BIRC6: variants seen among roughly 807,000 people sequenced by gnomAD.
BIRC6 encodes baculoviral IAP repeat containing 6, also known as dual E2 ubiquitin-conjugating enzyme/E3 ubiquitin-protein ligase BIRC6.
BIRC6 carries 98 observed loss-of-function variants against 503.3 expected under a neutral mutation model. That is an observed-to-expected ratio of 0.19 (90% CI 0.17 to 0.23). The LOEUF (loss-of-function observed/expected upper bound fraction) is 0.23. BIRC6 is among the 10% of genes least tolerant of loss of function. The pLI, the probability that BIRC6 is intolerant of heterozygous loss-of-function variation, is 1.00. For synonymous variants in BIRC6, 2,240 were observed against 2,078.7 expected (o/e 1.08, Z -2.11); for missense variants, 5,360 against 5,806.0 (o/e 0.92, Z 2.50).
intron 6 of BIRC6, among the ~76,000 whole-genome samples, chr2:32,397,603 T>TGTGTGTGTGTGTAC (rs2040061341): frequency 7.0e-6 from 1 of 143,310 alleles, no homozygotes; most frequent in Non-Finnish European, 1.5e-5. Context: ...TGTGTGTGTG[T>TGTGTGTGTGTGTAC]GTATATATGT....
chr2:32,508,253 A>G lies in BIRC6; in HGVS notation c.9974A>G (p.Lys3325Arg). Residue 3325 changes from lysine (K) to arginine (R), a missense_variant, in exon 51 of 74, where the codon AAA becomes AGA. Physicochemically the swap from Lys to Arg is conservative, Grantham distance 26 (BLOSUM62 2). Around this residue, in one of 16 missense-constraint regions of BIRC6, gnomAD observed 62 missense variants for 107.4 expected, o/e 0.58. Coordinates refer to ENST00000421745, the MANE Select transcript of BIRC6 (RefSeq NM_016252.4). The part of the protein sequence containing the change: ...PFLPSEDQVS[K>R]TSIGWLRLLH... ...CTTCCATCTGAAGATCAGGTATCCAAAACAAGGTATGTTTTGTTTGTCCTT... is the reference window on the plus strand; with the variant it reads ...CTTCCATCTGAAGATCAGGTATCCAGAACAAGGTATGTTTTGTTTGTCCTT... 2 of 1,562,514 alleles carry G rather than the reference A, an allele frequency of 1.3e-6. No homozygotes were observed. The highest frequency in any genetic ancestry group is 1.7e-6 in the Non-Finnish European group (2 of 1,159,984).
intron 23 of BIRC6, among the ~76,000 whole-genome samples, chr2:32,460,331 T>C (rs546148448): frequency 7.9e-6 from 1 of 127,138 alleles, no homozygotes; most frequent in Non-Finnish European, 1.6e-5. Context: ...CAGGCTGGAG[T>C]GATGGCACAA....
rs1475686204 is a variant in BIRC6 at position 32,505,026 on chromosome 2, C to T, written c.9521C>T (p.Pro3174Leu). Residue 3174 changes from proline to leucine, a missense_variant, in exon 50 of 74, where the codon CCT becomes CTT. Physicochemically the swap from Pro to Leu is moderately conservative, Grantham distance 98. Around this residue, in one of 16 missense-constraint regions of BIRC6, gnomAD observed 267 missense variants for 287.6 expected, o/e 0.93. Coordinates refer to ENST00000421745, the MANE Select transcript of BIRC6 (RefSeq NM_016252.4). ...APLGTITSSS[P>L]TAQPAEVLLQ... is the part of the protein sequence containing the mutation. ...CTAGGTACAATCACATCTAGCAGTC[C>T]TACTGCCCAACCAGCTGAAGTGCTA... 3 of 1,613,676 alleles carry T rather than the reference C, an allele frequency of 1.9e-6. No homozygotes were observed. Among genetic ancestry groups the T allele is most frequent in the Non-Finnish European group, 2.5e-6 (3 of 1,179,736 alleles).
intron 73 of BIRC6, among the ~76,000 whole-genome samples, chr2:32,613,040 C>A (rs1330274592): frequency 6.6e-6 from 1 of 152,108 alleles, no homozygotes; most frequent in East Asian, 1.9e-4. Context: ...GTGACCCTGG[C>A]TCACTTCTCC....
chr2:32,578,268 A>G (rs532891446), intron 66 of BIRC6, among the ~76,000 whole-genome samples: 1 of 152,188 alleles, frequency 6.6e-6, no homozygotes, highest in Admixed American at 6.5e-5. Flanking sequence ...AGAGTTCACA[A>G]AATAATCCAT....
At chr2:32,454,029 T>A in intron 23 of BIRC6, 87 bp downstream of exon 23, 5 of 1,119,240 alleles carry the variant, frequency 4.5e-6, no homozygotes, top group Non-Finnish European at 6.1e-6. Flanking sequence ...TATTTCTAAT[T>A]ATGTAATTTT....
chr2:32,366,545 A>G lies in BIRC6; in HGVS notation c.325+9059A>G, dbSNP rs575894715. ...GTCTGTCCTTAGGAATGTTGGCTATAAGTATATATAGAACTTAAAAAAATA... is the reference window on the plus strand; with the variant it reads ...GTCTGTCCTTAGGAATGTTGGCTATGAGTATATATAGAACTTAAAAAAATA... On this transcript the variant is annotated intron_variant, in intron 1 of 73. Coordinates refer to ENST00000421745, the MANE Select transcript of BIRC6 (RefSeq NM_016252.4). 7.9e-5 allele frequency among the ~76,000 whole-genome samples: 12 copies of G among 152,306 alleles called. No homozygotes were observed. In the South Asian group the frequency reaches 2.5e-3, roughly 32 times the overall value.
chr2:32,446,745 T>TTTG (rs1423671443), intron 21 of BIRC6, among the ~76,000 whole-genome samples: 3 of 126,300 alleles, frequency 2.4e-5, no homozygotes, highest in Non-Finnish European at 5.1e-5. Context: ...GCTGTTTTTT[T>TTTG]TTTTTTTTTT....
intron 69 of BIRC6, among the ~76,000 whole-genome samples, chr2:32,598,851 C>T (rs1208309472): frequency 1.3e-5 from 2 of 150,974 alleles, no homozygotes; most frequent in African/African-American, 2.4e-5. Flanking sequence ...GGTGAAACCC[C>T]GTCTCTACTA....
At chr2:32,520,758 G>A (rs760535057) in intron 57 of BIRC6, among the ~76,000 whole-genome samples, 1 of 152,100 alleles carries the variant, frequency 6.6e-6, no homozygotes, top group African/African-American at 2.4e-5. Context: ...TGGAGGTTAC[G>A]GTGAGCCGAG....
intron 70 of BIRC6, among the ~76,000 whole-genome samples, chr2:32,601,654 C>T (rs928289824): frequency 2.6e-5 from 4 of 151,870 alleles, no homozygotes; most frequent in African/African-American, 9.7e-5. Context: ...TAAAAGTGTA[C>T]AAAATCTGAT....
chr2:32,568,114 A>C (rs2059654288), intron 65 of BIRC6, among the ~76,000 whole-genome samples: 1 of 152,160 alleles, frequency 6.6e-6, no homozygotes, highest in Admixed American at 6.5e-5. Flanking sequence ...TCCGTCTCAA[A>C]AAACAAACAA....
intron 65 of BIRC6, among the ~76,000 whole-genome samples, chr2:32,551,345 C>T (rs988254233): frequency 7.2e-5 from 11 of 152,120 alleles, no homozygotes; most frequent in Admixed American, 5.9e-4. Flanking sequence ...TGCAGTGGCA[C>T]GATCTTGGCT....
At chr2:32,437,771 G>C (rs2044891150) in intron 15 of BIRC6, among the ~76,000 whole-genome samples, 1 of 152,162 alleles carries the variant, frequency 6.6e-6, no homozygotes, top group Non-Finnish European at 1.5e-5. Context: ...GGGATACTCA[G>C]CCTGTATATA....
intron 66 of BIRC6, among the ~76,000 whole-genome samples, chr2:32,584,240 A>G (rs548287647): frequency 6.6e-6 from 1 of 152,030 alleles, no homozygotes; most frequent in Non-Finnish European, 1.5e-5. Context: ...ATTTAAAAAA[A>G]TTTTTTTGGC....
chr2:32,500,927 G>C (rs139494638), intron 46 of BIRC6, among the ~76,000 whole-genome samples: 1 of 151,702 alleles, frequency 6.6e-6, no homozygotes, highest in Non-Finnish European at 1.5e-5. Flanking sequence ...TGTACAGACG[G>C]GATTTCACCA....
At chr2:32,579,690 A>G in intron 66 of BIRC6, among the ~76,000 whole-genome samples, 1 of 152,096 alleles carries the variant, frequency 6.6e-6, no homozygotes, top group Admixed American at 6.6e-5. Flanking sequence ...CCCACTCTGC[A>G]TGTGTAAGAA....
chr2:32,481,438 A>C lies in BIRC6; in HGVS notation c.7527A>C (p.Ala2509=), dbSNP rs1270841195. The change falls in exon 38 of 74, where the codon GCA becomes GCC. Residue 2509 remains alanine, a synonymous_variant. Coordinates refer to ENST00000421745, the MANE Select transcript of BIRC6 (RefSeq NM_016252.4). ...TTGATTTGGAAAAGGACCCTCTTGC[A>C]GCCAAGGTTTTTAAGGTATGATACA... ...LDIDLEKDPL[A]AKVFKPISST... 6.2e-7 allele frequency: 1 copy of C among 1,611,422 alleles called. No homozygotes were observed. The highest frequency in any genetic ancestry group is 2.2e-5 in the East Asian group (1 of 44,774).
intron 65 of BIRC6, chr2:32,574,916 T>G (rs940545981): frequency 7.9e-6 from 4 of 504,420 alleles, no homozygotes; most frequent in Non-Finnish European, 1.4e-5. Context: ...CCTGGCTAAT[T>G]TTTGTATTCT....
Sources: gnomAD v4.1 joint callset for allele counts (sites outside exome capture counted in the v4.1 genomes callset) on GRCh38, gnomAD v4.1.1 for gene constraint, gnomAD v4.1.1 regional missense constraint, MANE v1.5 for transcripts, NCBI Gene and HGNC (gene_info 2026-07-23, HGNC 2026-07-21) for gene names.